COL5A2: variants seen among roughly 807,000 people sequenced by gnomAD.
COL5A2 encodes the protein collagen alpha-2(V) chain.
A neutral mutation model predicts 208.2 loss-of-function variants in COL5A2; 23 were observed. The observed-to-expected ratio is 0.11, with a 90% CI of 0.08 to 0.16. COL5A2 has a LOEUF of 0.16. Among genes scored for constraint, COL5A2 ranks in the 10% least tolerant of loss-of-function variants. The pLI is 1.00. For missense variants in COL5A2, 1,590 were observed against 1,956.4 expected (o/e 0.81, Z 3.53); for synonymous variants, 625 against 628.5 (o/e 0.99, Z 0.08).
the COL5A2 span, among the ~76,000 whole-genome samples, chr2:189,250,516 T>C: frequency 6.6e-6 from 1 of 152,108 alleles, no homozygotes; most frequent in Non-Finnish European, 1.5e-5. Flanking sequence ...TTCAATAGAG[T>C]GGCTAACATT....
the COL5A2 span, among the ~76,000 whole-genome samples, chr2:189,342,461 T>C: frequency 9.0e-6 from 1 of 111,504 alleles, no homozygotes; most frequent in East Asian, 2.2e-4. Context: ...TGCTTATATA[T>C]TTATGCTTCT....
the COL5A2 span, among the ~76,000 whole-genome samples, chr2:189,256,913 C>G: frequency 6.6e-6 from 1 of 152,228 alleles, no homozygotes. Context: ...CAGGCGTAAG[C>G]CACCGCGCCC....
At chr2:189,277,518 A>T in the COL5A2 span, among the ~76,000 whole-genome samples, 1 of 152,202 alleles carries the variant, frequency 6.6e-6, no homozygotes, top group African/African-American at 2.4e-5. Context: ...TTACAAAGGC[A>T]TATCTAGCCA....
the COL5A2 span, among the ~76,000 whole-genome samples, chr2:189,235,104 T>TCA: frequency 6.6e-6 from 1 of 151,778 alleles, no homozygotes; most frequent in African/African-American, 2.4e-5. Context: ...CATTTGCATG[T>TCA]CACATATATC....
intron 10 of COL5A2, 29 bp downstream of exon 10, chr2:189,085,690 C>G: frequency 6.3e-7 from 1 of 1,595,444 alleles, no homozygotes; most frequent in Non-Finnish European, 8.6e-7. Context: ...CCAAATGTAA[C>G]TGGGTCTACA....
intron 19 of COL5A2, 41 bp downstream of exon 19, chr2:189,068,745 C>T (rs1190651061): frequency 2.9e-6 from 4 of 1,379,260 alleles, no homozygotes; most frequent in Non-Finnish European, 1.0e-6. Flanking sequence ...CAAGAAATGT[C>T]CAGCTTTCTG....
Position 189,068,101 on chromosome 2 carries a change from T to C in COL5A2, c.1315A>G (p.Thr439Ala). 1.9e-6 allele frequency: 3 copies of C among 1,613,824 alleles called. No individual in the cohort carries two copies. Among genetic ancestry groups the C allele is most frequent in the Non-Finnish European group, 1.7e-6 (2 of 1,179,780 alleles). The change falls in exon 21 of 54, where the codon ACC (threonine) becomes GCC (alanine). Residue 439 changes from threonine to alanine, a missense_variant. Coordinates refer to ENST00000374866, the MANE Select transcript of COL5A2 (RefSeq NM_000393.5). ...CCTGCTGAGCCAGGAGGACCAGAGG[T>C]ACCTGGAGAGCCCTATTAAACAGCA... ...GAKGPTGSPG[T>A]SGPPGSAGPP...
chr2:189,058,890 C>A lies in COL5A2; in HGVS notation c.2089G>T (p.Val697Phe). The A allele has an allele frequency of 6.4e-7, 1 of 1,573,162 alleles. No individual in the cohort carries two copies. The highest frequency in any genetic ancestry group is 8.6e-7 in the Non-Finnish European group (1 of 1,163,678). The change falls in exon 32 of 54, where the codon GTT (valine) becomes TTT (phenylalanine). Residue 697 changes from valine to phenylalanine, a missense_variant. By Grantham distance (50) the Val-to-Phe change is conservative. Coordinates refer to ENST00000374866, the MANE Select transcript of COL5A2 (RefSeq NM_000393.5). ...GEGGKPGDQG[V>F]PGDPGAVGPL... ...CCAACTGCTCCGGGATCTCCAGGAA[C>A]ACCCTATAAACACATTTTTTTTTTT...
At chr2:189,311,129 C>A in the COL5A2 span, 60 of 586,648 alleles carry the variant, frequency 1.0e-4, no homozygotes, top group East Asian at 1.8e-3. Context: ...GTATCCAAGG[C>A]AACCAGGGGC....
At chr2:189,121,179 T>C (rs1687492701) in intron 1 of COL5A2, among the ~76,000 whole-genome samples, 1 of 152,204 alleles carries the variant, frequency 6.6e-6, no homozygotes, top group African/African-American at 2.4e-5. Context: ...TTGAGTTCTT[T>C]AACTTCCTTA....
chr2:189,357,842 C>T, the COL5A2 span, among the ~76,000 whole-genome samples: 5 of 151,532 alleles, frequency 3.3e-5, no homozygotes, highest in East Asian at 9.7e-4. Context: ...AAACCCAGGA[C>T]CCTGGTGGCA....
intron 7 of COL5A2, 93 bp from the exon 8 acceptor site, chr2:189,088,865 T>G: frequency 8.3e-6 from 8 of 965,380 alleles, no homozygotes; most frequent in Non-Finnish European, 1.0e-5. Context: ...CTAGAATTCT[T>G]ATAGAATGAC....
chr2:189,233,584 TTCAAC>T, the COL5A2 span, among the ~76,000 whole-genome samples: 2 of 151,834 alleles, frequency 1.3e-5, no homozygotes, highest in Non-Finnish European at 2.9e-5. Context: ...ATATTTTTCT[TTCAAC>T]TCAATATTTT....
chr2:189,223,190 T>G (rs544235171), intron 1 of COL5A2, among the ~76,000 whole-genome samples: 109 of 152,272 alleles, frequency 7.2e-4, no homozygotes, highest in African/African-American at 2.5e-3. Context: ...TCCACCAAAA[T>G]AATTACTGAA....
the COL5A2 span, among the ~76,000 whole-genome samples, chr2:189,361,059 G>A: frequency 3.3e-5 from 5 of 151,698 alleles, no homozygotes; most frequent in Admixed American, 3.3e-4. Flanking sequence ...GTGCTGTTGA[G>A]AAATATGTGT....
the COL5A2 span, among the ~76,000 whole-genome samples, chr2:189,339,008 C>A: frequency 6.6e-6 from 1 of 152,124 alleles, no homozygotes; most frequent in Non-Finnish European, 1.5e-5. Flanking sequence ...ATAGATGTGG[C>A]AAAATAGATC....
the COL5A2 span, among the ~76,000 whole-genome samples, chr2:189,299,754 C>G: frequency 2.0e-5 from 3 of 152,076 alleles, no homozygotes; most frequent in Admixed American, 2.0e-4. Flanking sequence ...AATTCCAAAG[C>G]AAGTCATGGT....
intron 9 of COL5A2, among the ~76,000 whole-genome samples, chr2:189,086,201 A>C (rs1463719830): frequency 6.6e-6 from 1 of 152,164 alleles, no homozygotes; most frequent in African/African-American, 2.4e-5. Flanking sequence ...CTTTCTTTTA[A>C]AATATTATTT....
intron 1 of COL5A2, among the ~76,000 whole-genome samples, chr2:189,190,255 T>C (rs1293267583): frequency 6.6e-6 from 1 of 152,236 alleles, no homozygotes; most frequent in East Asian, 1.9e-4. Flanking sequence ...TTTCATTTTG[T>C]TGTTTTACAG....
Sources: gnomAD v4.1 joint callset for allele counts (sites outside exome capture counted in the v4.1 genomes callset) on GRCh38, gnomAD v4.1.1 for gene constraint, MANE v1.5 for transcripts, NCBI Gene and HGNC (gene_info 2026-07-23, HGNC 2026-07-21) for gene names.